TMCO5A: variants seen among roughly 807,000 people sequenced by gnomAD.
TMCO5A encodes transmembrane and coiled-coil domain-containing protein 5A.
In TMCO5A, 34 loss-of-function variants were observed where a neutral mutation model predicts 42.3. The observed-to-expected ratio is 0.80, with a 90% CI of 0.61 to 1.07. TMCO5A has a LOEUF of 1.07. TMCO5A is among the 50% of genes least tolerant of loss of function. The probability of loss-of-function intolerance (pLI) is 0.00; values close to 1 mark genes in which losing one functional copy is unlikely to be tolerated. For synonymous variants in TMCO5A, 131 were observed against 115.6 expected, an observed-to-expected ratio of 1.13 and a Z score of -0.86; for missense variants, 357 against 327.9, an observed-to-expected ratio of 1.09 and a Z score of -0.69.
the TMCO5A span, among the ~76,000 whole-genome samples, chr15:37,999,432 G>A: frequency 6.6e-6 from 1 of 152,156 alleles, no homozygotes; most frequent in Non-Finnish European, 1.5e-5. Flanking sequence ...TCTTTTGGCA[G>A]ATTTTTTAGG....
In TMCO5A at chr15:37,936,463, G is replaced by A. The variant is rs758536808; in HGVS notation, c.140G>A (p.Arg47Lys). 7 of 1,611,308 alleles carry A rather than the reference G, an allele frequency of 4.3e-6. No individual in the cohort carries two copies. In the African/African-American group the frequency reaches 5.3e-5, roughly 12 times the overall value. Reference sequence around the variant, plus strand: ...CAAGAGAGGGAAGATAAGATTCAGAGGTGAGTATTAAGGTTTCATGAGGGA... The same window carrying A: ...CAAGAGAGGGAAGATAAGATTCAGAAGTGAGTATTAAGGTTTCATGAGGGA... Reference protein sequence around the residue: ...KIQEREDKIQRLESEIIQTRG... With the variant: ...KIQEREDKIQKLESEIIQTRG... Residue 47 changes from arginine (R) to lysine (K), a missense_variant and splice_region_variant, in exon 3 of 12, where the codon AGG becomes AAG. Physicochemically the swap from Arg to Lys is conservative, Grantham distance 26 (BLOSUM62 2). Transcript: ENST00000319669.
At chr15:38,025,273 G>T in the TMCO5A span, among the ~76,000 whole-genome samples, 1 of 151,584 alleles carries the variant, frequency 6.6e-6, no homozygotes, top group Non-Finnish European at 1.5e-5. Context: ...TATTATAATA[G>T]ATTACCCCTT....
chr15:38,016,946 G>C, the TMCO5A span, among the ~76,000 whole-genome samples: 2 of 151,812 alleles, frequency 1.3e-5, no homozygotes, highest in Admixed American at 6.6e-5. Context: ...CTAAAGAACA[G>C]ATTATGAACA....
chr15:38,017,561 G>A, the TMCO5A span, among the ~76,000 whole-genome samples: 1 of 152,164 alleles, frequency 6.6e-6, no homozygotes, highest in African/African-American at 2.4e-5. Context: ...GTACAGGAAA[G>A]GCTTTTAAAG....
chr15:37,945,298 C>T (rs1002249071), intron 10 of TMCO5A, among the ~76,000 whole-genome samples: 1 of 152,070 alleles, frequency 6.6e-6, no homozygotes, highest in Non-Finnish European at 1.5e-5. Context: ...TAGGTTGATT[C>T]CATGTATTTG....
chr15:37,942,347 G>C lies in TMCO5A; in HGVS notation c.569+92G>C, dbSNP rs1889777708. 11 of 1,224,932 alleles carry C rather than the reference G, an allele frequency of 9.0e-6. No homozygotes were observed. The Admixed American group carries it at 2.1e-4, about 24-fold the overall frequency. 75.9% of individuals were successfully genotyped at this position (1,224,932 alleles called of 1,614,324 possible). On this transcript the variant is annotated intron_variant, in intron 9 of 11. Coordinates refer to ENST00000319669, the MANE Select transcript of TMCO5A (RefSeq NM_152453.4). Reference sequence around the variant, plus strand: ...CAGTTCTCAGACCAATTTCTATTTGGAATTGAATGAGTCCCGACGCCACAT... The same window carrying C: ...CAGTTCTCAGACCAATTTCTATTTGCAATTGAATGAGTCCCGACGCCACAT...
chr15:37,950,710 C>A (rs1421706538), intron 11 of TMCO5A, among the ~76,000 whole-genome samples: 1 of 152,072 alleles, frequency 6.6e-6, no homozygotes, highest in Admixed American at 6.6e-5. Flanking sequence ...AAACTTATAC[C>A]TTGCTAGAGG....
chr15:38,032,961 C>T, the TMCO5A span, among the ~76,000 whole-genome samples: 2 of 137,866 alleles, frequency 1.5e-5, no homozygotes, highest in South Asian at 2.2e-4. Context: ...GGAGTCTCGC[C>T]TTGTCGCCCA....
Position 37,936,982 on chromosome 15 carries a change from G to A in TMCO5A, c.264+12G>A, listed in dbSNP as rs1404105338. On this transcript the variant is annotated intron_variant, in intron 4 of 11. Transcript: ENST00000319669. ...AAACAGCCAGACTTGTAAGCAAGAA[G>A]TTGGGAAGAGCCATTTAATAGGTTG... 2.5e-6 allele frequency: 4 copies of A among 1,611,550 alleles called. No individual in the cohort carries two copies. The highest frequency in any genetic ancestry group is 2.7e-5 in the African/African-American group (2 of 74,810).
At chr15:37,968,417 T>C (rs1379513469), downstream of TMCO5A, among the ~76,000 whole-genome samples, 2 of 152,146 alleles carry the variant, frequency 1.3e-5, no homozygotes, top group African/African-American at 4.8e-5. Context: ...ACACCTTTCC[T>C]TCCAGACACT....
At chr15:37,953,197 C>A (rs1028229974), downstream of TMCO5A, among the ~76,000 whole-genome samples, 1 of 152,084 alleles carries the variant, frequency 6.6e-6, no homozygotes, top group African/African-American at 2.4e-5. Flanking sequence ...GATTGTAGAG[C>A]CCCCAGGGCC....
the TMCO5A span, among the ~76,000 whole-genome samples, chr15:37,997,725 CT>C: frequency 5.3e-5 from 8 of 152,114 alleles, no homozygotes; most frequent in African/African-American, 1.9e-4. Flanking sequence ...GGGTATATGC[CT>C]AGCAGTGGGA....
the TMCO5A span, among the ~76,000 whole-genome samples, chr15:37,991,723 C>A: frequency 6.1e-3 from 927 of 152,170 alleles, 15 homozygotes; most frequent in African/African-American, 0.021. Context: ...TTCATGCAAT[C>A]TTTGACAAAG....
At chr15:38,038,519 C>T in the TMCO5A span, among the ~76,000 whole-genome samples, 67 of 151,978 alleles carry the variant, frequency 4.4e-4, no homozygotes, top group African/African-American at 1.6e-3. Flanking sequence ...CATTCTCCTG[C>T]CTCAGCCTCC....
chr15:37,954,601 A>G (rs1595602888), downstream of TMCO5A, among the ~76,000 whole-genome samples: 1 of 152,124 alleles, frequency 6.6e-6, no homozygotes, highest in Non-Finnish European at 1.5e-5. Flanking sequence ...GCAATAAGAA[A>G]TTATCTGAAG....
chr15:37,937,439 C>A, intron 5 of TMCO5A, 43 bp downstream of exon 5: 1 of 1,606,236 alleles, frequency 6.2e-7, no homozygotes. Flanking sequence ...CCACAACAGC[C>A]CCATTCATCA....
the TMCO5A span, chr15:38,040,812 C>A: frequency 1.3e-5 from 2 of 152,098 alleles, no homozygotes; most frequent in Non-Finnish European, 1.5e-5. Flanking sequence ...AAGTGGGGAA[C>A]AATGCTAATG....
chr15:38,039,338 C>T, the TMCO5A span, among the ~76,000 whole-genome samples: 87 of 152,322 alleles, frequency 5.7e-4, no homozygotes, highest in African/African-American at 2.0e-3. Context: ...ATTATAGCTT[C>T]ACAGTGAGCT....
At chr15:38,010,425 T>TCACACACACACACACACACA in the TMCO5A span, among the ~76,000 whole-genome samples, 64 of 117,470 alleles carry the variant, frequency 5.4e-4, no homozygotes, top group African/African-American at 1.3e-3. Context: ...CAGAGGGAGA[T>TCACACACACACACACACACA]CACACACACA....
Sources: gnomAD v4.1 joint callset for allele counts (sites outside exome capture counted in the v4.1 genomes callset) on GRCh38, gnomAD v4.1.1 for gene constraint, MANE v1.5 for transcripts, NCBI Gene and HGNC (gene_info 2026-07-23, HGNC 2026-07-21) for gene names.